The following CTDSPL variants were observed in gnomAD, a reference collection of about 807,000 sequenced individuals.
CTDSPL encodes the protein CTD small phosphatase like.
CTDSPL carries 8 observed loss-of-function variants against 30.5 expected under a neutral mutation model. The ratio of observed to expected loss-of-function variants is 0.26; its 90% CI spans 0.15 to 0.47. The LOEUF (loss-of-function observed/expected upper bound fraction) is 0.47. CTDSPL is among the 20% of genes least tolerant of loss of function. The probability of loss-of-function intolerance (pLI) is 0.99; values close to 1 mark genes in which losing one functional copy is unlikely to be tolerated. For missense variants in CTDSPL, 248 were observed against 366.1 expected (o/e 0.68, Z 2.63); for synonymous variants, 110 against 137.9 (o/e 0.80, Z 1.42).
intron 5 of CTDSPL, 87 bp downstream of exon 5, chr3:37,967,969 C>A: frequency 2.2e-6 from 2 of 910,830 alleles, no homozygotes; most frequent in Non-Finnish European, 3.4e-6. Flanking sequence ...ATTCTCATTT[C>A]AGTAATAACT....
chr3:37,982,406 C>G lies in CTDSPL; in HGVS notation c.*1539C>G, dbSNP rs1247793013. The G allele has an allele frequency of 5.2e-6, 2 of 385,386 alleles. No individual in the cohort carries two copies. The highest frequency in any genetic ancestry group is 1.4e-4 in the East Asian group (2 of 13,848). 23.9% of individuals were successfully genotyped at this position (385,386 alleles called of 1,614,324 possible). A position where few individuals can be genotyped will look rare whatever the true frequency, so the allele number is the denominator to read the frequency against. On this transcript the variant is annotated 3_prime_UTR_variant, in exon 8 of 8. Coordinates refer to ENST00000273179, the MANE Select transcript of CTDSPL (RefSeq NM_001008392.2). ...ACAAGACAGTCTGTAAAGTATTGCT[C>G]TTAAAAACAATTAAAAAGAACCCTT...
intron 1 of CTDSPL, among the ~76,000 whole-genome samples, chr3:37,905,598 C>G (rs1268032780): frequency 3.4e-5 from 5 of 146,096 alleles, no homozygotes; most frequent in Admixed American, 3.4e-4. Flanking sequence ...TTCCCCCCCT[C>G]CCTCCTTGTG....
intron 1 of CTDSPL, among the ~76,000 whole-genome samples, chr3:37,904,022 C>T (rs1482214758): frequency 6.6e-6 from 1 of 152,244 alleles, no homozygotes; most frequent in East Asian, 1.9e-4. Flanking sequence ...ATCCCTGCTG[C>T]ACACTCTTGT....
intron 1 of CTDSPL, among the ~76,000 whole-genome samples, chr3:37,877,409 A>G (rs1466933217): frequency 1.3e-5 from 2 of 152,200 alleles, no homozygotes; most frequent in Non-Finnish European, 2.9e-5. Flanking sequence ...AGGTTCATCC[A>G]TGTTGTATCA....
At chr3:37,875,550 G>A (rs897480847) in intron 1 of CTDSPL, among the ~76,000 whole-genome samples, 14 of 152,148 alleles carry the variant, frequency 9.2e-5, no homozygotes, top group African/African-American at 3.4e-4. Flanking sequence ...AATAAATGTA[G>A]CCTTTTAGTA....
At chr3:37,946,461 C>T (rs989453519) in intron 1 of CTDSPL, among the ~76,000 whole-genome samples, 6 of 152,230 alleles carry the variant, frequency 3.9e-5, no homozygotes, top group Non-Finnish European at 4.4e-5. Flanking sequence ...CAGCCCTAAG[C>T]TCTGTGGATC....
At chr3:37,966,871 G>C (rs1699304963) in intron 4 of CTDSPL, among the ~76,000 whole-genome samples, 1 of 152,084 alleles carries the variant, frequency 6.6e-6, no homozygotes, top group Non-Finnish European at 1.5e-5. Context: ...CCTTCCTTCT[G>C]TCTCTCTTCT....
At chr3:37,918,245 A>G (rs1034556684) in intron 1 of CTDSPL, among the ~76,000 whole-genome samples, 1 of 151,442 alleles carries the variant, frequency 6.6e-6, no homozygotes, top group Non-Finnish European at 1.5e-5. Flanking sequence ...TTTCTCTGCA[A>G]CTTTATTAAA....
At chr3:37,879,299 T>C in intron 1 of CTDSPL, among the ~76,000 whole-genome samples, 1 of 152,344 alleles carries the variant, frequency 6.6e-6, no homozygotes, top group East Asian at 1.9e-4. Flanking sequence ...GGCCAAAGAC[T>C]GGACAAGTGG....
At chr3:37,962,514 C>T (rs1296445422) in intron 3 of CTDSPL, among the ~76,000 whole-genome samples, 1 of 152,216 alleles carries the variant, frequency 6.6e-6, no homozygotes, top group African/African-American at 2.4e-5. Flanking sequence ...TAGATTGCAC[C>T]ATGAGGGGTT....
intron 1 of CTDSPL, among the ~76,000 whole-genome samples, chr3:37,883,261 T>C (rs1209183619): frequency 6.6e-6 from 1 of 152,172 alleles, no homozygotes; most frequent in Non-Finnish European, 1.5e-5. Context: ...CACTAAGGCT[T>C]TAAATTGTTG....
rs763933893 is a variant in CTDSPL at position 37,975,922 on chromosome 3, C to T, written c.705+28C>T. The T allele has an allele frequency of 1.7e-5, 28 of 1,604,844 alleles. 2 individuals are homozygous for T. The highest frequency in any genetic ancestry group is 1.7e-4 in the South Asian group (15 of 90,294). On this transcript the variant is annotated intron_variant, in intron 7 of 7. Transcript: ENST00000273179. The surrounding 1 kb of genome is among the most constrained non-coding windows in gnomAD (Gnocchi z 4.9). ...AAGTGGCCCCAAAGAAAGAAAATGT[C>T]GTGCTCCATCTGAGCCCTCTGTCTT...
intron 1 of CTDSPL, among the ~76,000 whole-genome samples, chr3:37,879,321 T>C (rs1698175767): frequency 6.6e-6 from 1 of 152,222 alleles, no homozygotes; most frequent in African/African-American, 2.4e-5. Context: ...TAACATCCTT[T>C]TCTACCTATC....
chr3:37,964,702 T>A, intron 4 of CTDSPL, 30 bp downstream of exon 4: 7 of 1,495,274 alleles, frequency 4.7e-6, no homozygotes, highest in Non-Finnish European at 6.5e-6. Context: ...AAATCCATGA[T>A]CTTTGTGATT....
At chr3:37,866,772 T>C (rs1232838081) in intron 1 of CTDSPL, among the ~76,000 whole-genome samples, 1 of 152,232 alleles carries the variant, frequency 6.6e-6, no homozygotes, top group Admixed American at 6.5e-5. Flanking sequence ...TCAGTGTTAA[T>C]TCAGAAACTT....
chr3:37,957,144 G>A lies in CTDSPL; in HGVS notation c.267+1G>A, dbSNP rs200957541. The A allele has an allele frequency of 3.8e-6, 6 of 1,581,232 alleles. No homozygotes were observed. The Admixed American group carries it at 1.1e-4, about 28-fold the overall frequency. ...GAGGCAGGTCATTCCCATACCAAGT[G>A]TATGTATATTTATCTAATTTTATTT... On this transcript the variant is annotated splice_donor_variant, in intron 3 of 7. Coordinates refer to ENST00000273179, the MANE Select transcript of CTDSPL (RefSeq NM_001008392.2). LOFTEE classifies it high-confidence loss of function.
intron 1 of CTDSPL, among the ~76,000 whole-genome samples, chr3:37,869,727 A>G (rs1698052197): frequency 6.6e-6 from 1 of 152,148 alleles, no homozygotes; most frequent in South Asian, 2.1e-4. Context: ...TATCATTAGT[A>G]TAATGTCAGC....
chr3:37,954,108 G>A (rs1019496728), intron 2 of CTDSPL, among the ~76,000 whole-genome samples: 10 of 152,168 alleles, frequency 6.6e-5, no homozygotes, highest in Non-Finnish European at 1.2e-4. Context: ...AGACAGCTTG[G>A]TATCTTTGTA....
chr3:37,861,926 C>G lies in CTDSPL; in HGVS notation c.-274C>G, dbSNP rs1428822848. 6.9e-6 allele frequency: 1 copy of G among 145,660 alleles called. No individual in the cohort carries two copies. Among genetic ancestry groups the G allele is most frequent in the Non-Finnish European group, 1.5e-5 (1 of 65,544 alleles). 9.0% of individuals were successfully genotyped at this position (145,660 alleles called of 1,614,324 possible). The stretch of plus-strand genomic sequence containing the variant: ...TCCCGCTTCCAGCGGCGCCGGGCCT[C>G]CCGCTCCGCCTCCCCGTGCGCGGCT... On this transcript the variant is annotated 5_prime_UTR_variant, in exon 1 of 8. Coordinates refer to ENST00000273179, the MANE Select transcript of CTDSPL (RefSeq NM_001008392.2).
Sources: allele counts gnomAD v4.1 joint callset (sites outside exome capture counted in the v4.1 genomes callset), GRCh38; gene constraint gnomAD v4.1.1; non-coding constraint Gnocchi (gnomAD v3.1); transcripts MANE v1.5; gene names NCBI Gene and HGNC (gene_info 2026-07-23, HGNC 2026-07-21).